ANP32A: variants seen among roughly 807,000 people sequenced by gnomAD.
The protein encoded by ANP32A is acidic nuclear phosphoprotein 32 family member A.
A neutral mutation model predicts 33.9 loss-of-function variants in ANP32A; 1 was observed. The observed-to-expected ratio is 0.03, with a 90% CI of 0.01 to 0.14. The LOEUF is 0.14. Among genes scored for constraint, ANP32A ranks in the 10% least tolerant of loss-of-function variants. The probability of loss-of-function intolerance (pLI) is 1.00; values close to 1 mark genes in which losing one functional copy is unlikely to be tolerated. For missense variants in ANP32A, 155 were observed against 306.0 expected, an observed-to-expected ratio of 0.51 and a Z score of 3.68; for synonymous variants, 115 against 120.5, an observed-to-expected ratio of 0.95 and a Z score of 0.30.
At chr15:68,790,605 TAC>T (rs1242898333) in intron 1 of ANP32A, 1 of 152,256 alleles carries the variant, frequency 6.6e-6, no homozygotes, top group African/African-American at 2.4e-5. Context: ...AGGTGCTTCA[TAC>T]ACAGTCTCGT....
Position 68,781,394 on chromosome 15 carries a change from C to A in ANP32A, c.625-921G>T, listed in dbSNP as rs12910453. 2.6e-5 allele frequency: 4 copies of A among 151,120 alleles called. 1 individual carries two copies. Among genetic ancestry groups the A allele is most frequent in the East Asian group, 3.9e-4 (2 of 5,118 alleles). The allele number at this position is 151,120 out of a possible 1,614,324, so 9.4% of individuals were successfully genotyped here. ...ACAACCCTCCCCCATCCCCACCCCC[C>A]CAAACCTCACATGCAGCACTCCTGT... On this transcript the variant is annotated intron_variant, in intron 5 of 6. Transcript: ENST00000465139.
At chr15:68,798,204 A>C (rs1487910875) in intron 1 of ANP32A, among the ~76,000 whole-genome samples, 1 of 152,224 alleles carries the variant, frequency 6.6e-6, no homozygotes, top group African/African-American at 2.4e-5. Context: ...TCTGCCTTGG[A>C]GTCCGGGATG....
chr15:68,784,270 A>C lies in ANP32A; in HGVS notation c.526+127T>G, dbSNP rs150573323. The C allele has an allele frequency of 2.6e-3, 2,878 of 1,086,128 alleles. 7 individuals carry two copies. Among genetic ancestry groups the C allele is most frequent in the Non-Finnish European group, 2.9e-3 (2,186 of 744,844 alleles). 67.3% of individuals were successfully genotyped at this position (1,086,128 alleles called of 1,614,324 possible). On this transcript the variant is annotated intron_variant, in intron 4 of 6. Coordinates refer to ENST00000465139, the MANE Select transcript of ANP32A (RefSeq NM_006305.4). Reference sequence around the variant, plus strand: ...TTGGAAGGTGGTAGCTACCAGACAGACAGCCAGCCTTCAGTAGCTGGGTGG... The same window carrying C: ...TTGGAAGGTGGTAGCTACCAGACAGCCAGCCAGCCTTCAGTAGCTGGGTGG...
chr15:68,790,505 C>G (rs1396538645), intron 1 of ANP32A: 1 of 152,230 alleles, frequency 6.6e-6, no homozygotes, highest in East Asian at 1.9e-4. Flanking sequence ...GTGGCTGCTC[C>G]TCTGGAGGAC....
At chr15:68,798,104 G>A (rs1361717453) in intron 1 of ANP32A, among the ~76,000 whole-genome samples, 2 of 152,208 alleles carry the variant, frequency 1.3e-5, no homozygotes, top group African/African-American at 4.8e-5. Flanking sequence ...TTGGGAGATT[G>A]AAGCCCAGCT....
Position 68,820,886 on chromosome 15 carries a change from G to T in ANP32A, c.-135C>A. ...CGGTTCTCGAGCCCCCAGCACCCGCGGCGCACACTAACCTGATCGCCGTGG... is the reference window on the plus strand; with the variant it reads ...CGGTTCTCGAGCCCCCAGCACCCGCTGCGCACACTAACCTGATCGCCGTGG... On this transcript the variant is annotated 5_prime_UTR_variant, in exon 1 of 7. Coordinates refer to ENST00000465139, the MANE Select transcript of ANP32A (RefSeq NM_006305.4). 9.4e-7 allele frequency: 1 copy of T among 1,061,374 alleles called. No homozygotes were observed. Among genetic ancestry groups the T allele is most frequent in the Non-Finnish European group, 1.4e-6 (1 of 716,478 alleles). 65.7% of individuals were successfully genotyped at this position (1,061,374 alleles called of 1,614,324 possible).
intron 1 of ANP32A, among the ~76,000 whole-genome samples, chr15:68,814,726 G>C (rs1021598266): frequency 6.6e-6 from 1 of 152,196 alleles, no homozygotes; most frequent in Admixed American, 6.5e-5. Context: ...CTATGCTGCT[G>C]GTTCATTCCC....
chr15:68,798,049 T>C (rs1373808806), intron 1 of ANP32A, among the ~76,000 whole-genome samples: 1 of 152,228 alleles, frequency 6.6e-6, no homozygotes, highest in East Asian at 1.9e-4. Context: ...AAAAATCAAC[T>C]GTCCCAGCTG....
Position 68,787,789 on chromosome 15 carries a change from T to C in ANP32A, c.185A>G (p.Lys62Arg), listed in dbSNP as rs1177021555. The change falls in exon 2 of 7, where the codon AAG (lysine) becomes AGG (arginine). Residue 62 changes from lysine (K) to arginine (R), a missense_variant. By Grantham distance (26) the Lys-to-Arg change is conservative. This residue lies in a region of ANP32A where 85 missense variants were observed against 183.8 expected (regional missense o/e 0.46). Coordinates refer to ENST00000465139, the MANE Select transcript of ANP32A (RefSeq NM_006305.4). Reference sequence around the variant, plus strand: ...ATTTACCTTCTTAAGTTTGTTTAACTTTGGTAAGTTTGCGATTGAGGTGAG... The same window carrying C: ...ATTTACCTTCTTAAGTTTGTTTAACCTTGGTAAGTTTGCGATTGAGGTGAG... ...VGLTSIANLP[K>R]LNKLKKLELS... 4 of 1,613,816 alleles carry C rather than the reference T, an allele frequency of 2.5e-6. No homozygotes were observed. Among genetic ancestry groups the C allele is most frequent in the Non-Finnish European group, 3.4e-6 (4 of 1,179,960 alleles).
chr15:68,808,324 C>T (rs1894265860), intron 1 of ANP32A, among the ~76,000 whole-genome samples: 1 of 151,960 alleles, frequency 6.6e-6, no homozygotes, highest in Admixed American at 6.5e-5. Context: ...TTCTGATCCA[C>T]AGCTGGGGTT....
At chr15:68,784,364 C>A (rs760707192) in intron 4 of ANP32A, 33 bp downstream of exon 4, 10 of 1,606,922 alleles carry the variant, frequency 6.2e-6, no homozygotes, top group African/African-American at 5.3e-5. Context: ...TCAGCTGGGC[C>A]CCTGCAGCCC....
chr15:68,796,963 A>G lies in ANP32A; in HGVS notation c.55-9044T>C, dbSNP rs145216336. On this transcript the variant is annotated intron_variant, in intron 1 of 6. Coordinates refer to ENST00000465139, the MANE Select transcript of ANP32A (RefSeq NM_006305.4). ...AGAACGTGGCCAATTTCATGGGTCAAGGGGCCCAGGATTCATCACTGAGGG... is the reference window on the plus strand; with the variant it reads ...AGAACGTGGCCAATTTCATGGGTCAGGGGGCCCAGGATTCATCACTGAGGG... Among the ~76,000 whole-genome samples, 665 of 152,240 alleles carry G rather than the reference A, an allele frequency of 4.4e-3. 2 individuals are homozygous for G. Among genetic ancestry groups the G allele is most frequent in the Middle Eastern group, 0.01 (3 of 294 alleles).
intron 1 of ANP32A, among the ~76,000 whole-genome samples, chr15:68,809,049 G>A (rs774873427): frequency 7.2e-5 from 11 of 152,216 alleles, no homozygotes; most frequent in Admixed American, 1.3e-4. Flanking sequence ...AATCCTTATC[G>A]TAGCTACTTC....
At position 68,779,997 on chromosome 15, in the gene ANP32A, G is replaced by T; in HGVS notation, c.*84C>A. 2.3e-6 allele frequency: 3 copies of T among 1,282,754 alleles called. No homozygotes were observed. The highest frequency in any genetic ancestry group is 2.4e-4 in the Middle Eastern group (1 of 4,124). 79.5% of individuals were successfully genotyped at this position (1,282,754 alleles called of 1,614,324 possible). A position where few individuals can be genotyped will look rare whatever the true frequency, so the allele number is the denominator to read the frequency against. Reference sequence around the variant, plus strand: ...ATCAGAAAAAAATAAGTTTCAGGGGGCAGGATTGGAGGGGGGGGGGAGAGG... The same window carrying T: ...ATCAGAAAAAAATAAGTTTCAGGGGTCAGGATTGGAGGGGGGGGGGAGAGG... On this transcript the variant is annotated 3_prime_UTR_variant, in exon 7 of 7. Coordinates refer to ENST00000465139, the MANE Select transcript of ANP32A (RefSeq NM_006305.4).
intron 5 of ANP32A, among the ~76,000 whole-genome samples, chr15:68,782,245 A>T (rs992011201): frequency 1.3e-5 from 2 of 152,238 alleles, no homozygotes; most frequent in Non-Finnish European, 2.9e-5. Context: ...AACGCCTACA[A>T]TAAGCAGTCA....
rs960859741 is a variant in ANP32A at position 68,780,318 on chromosome 15, G to A, written c.688+92C>T. 1.3e-5 allele frequency: 21 copies of A among 1,599,416 alleles called. No individual in the cohort carries two copies. The highest frequency in any genetic ancestry group is 1.7e-5 in the Admixed American group (1 of 57,716). ...CTGAGGCCTCTGACAGGAGTGTCCT[G>A]CCCACTGCCAGGGGCCTCTGAGTCT... On this transcript the variant is annotated intron_variant, in intron 6 of 6. Coordinates refer to ENST00000465139, the MANE Select transcript of ANP32A (RefSeq NM_006305.4). The surrounding 1 kb of genome is among the most constrained non-coding windows in gnomAD (Gnocchi z 4.3).
chr15:68,806,130 G>A (rs1355077176), intron 1 of ANP32A, among the ~76,000 whole-genome samples: 1 of 152,164 alleles, frequency 6.6e-6, no homozygotes, highest in African/African-American at 2.4e-5. Flanking sequence ...CATAACTCTG[G>A]TTAACATCAG....
chr15:68,798,521 G>A (rs1231234278), intron 1 of ANP32A, among the ~76,000 whole-genome samples: 1 of 152,156 alleles, frequency 6.6e-6, no homozygotes, highest in Non-Finnish European at 1.5e-5. Context: ...GAAGCTGGGT[G>A]GAAACTAACT....
At chr15:68,816,829 G>A (rs1894389056) in intron 1 of ANP32A, among the ~76,000 whole-genome samples, 1 of 152,108 alleles carries the variant, frequency 6.6e-6, no homozygotes, top group Non-Finnish European at 1.5e-5. Context: ...CCTCAGACTC[G>A]AAACTACTAT....
Sources: allele counts gnomAD v4.1 joint callset (sites outside exome capture counted in the v4.1 genomes callset), GRCh38; gene constraint gnomAD v4.1.1; regional missense constraint gnomAD v4.1.1; non-coding constraint Gnocchi (gnomAD v3.1); transcripts MANE v1.5; gene names NCBI Gene and HGNC (gene_info 2026-07-23, HGNC 2026-07-21).